ADCY1: variants seen among roughly 807,000 people sequenced by gnomAD.
ADCY1 encodes the protein adenylate cyclase type 1.
ADCY1 carries 28 observed loss-of-function variants against 105.4 expected under a neutral mutation model. The observed-to-expected ratio is 0.27, with a 90% CI of 0.20 to 0.36. The LOEUF (loss-of-function observed/expected upper bound fraction) is 0.36. Ranked by LOEUF, ADCY1 falls within the 10% of genes least tolerant of loss-of-function variation. The probability of loss-of-function intolerance (pLI) is 1.00; values close to 1 mark genes in which losing one functional copy is unlikely to be tolerated. For synonymous variants in ADCY1, 655 were observed against 623.8 expected, an observed-to-expected ratio of 1.05 and a Z score of -0.75; for missense variants, 977 against 1,434.2, an observed-to-expected ratio of 0.68 and a Z score of 5.15.
chr7:45,582,061 TCA>T (rs760676335), intron 1 of ADCY1, among the ~76,000 whole-genome samples: 4 of 151,994 alleles, frequency 2.6e-5, no homozygotes, highest in African/African-American at 9.7e-5. Context: ...GCTCACACAC[TCA>T]CACAGTACAC....
chr7:45,677,176 CAGT>C lies in ADCY1; in HGVS notation c.1606-690_1606-688del, dbSNP rs1286679535. Among the ~76,000 whole-genome samples, 10 of 152,256 alleles carry C rather than the reference CAGT, an allele frequency of 6.6e-5. No individual in the cohort carries two copies. The East Asian group carries it at 1.9e-3, about 29-fold the overall frequency. On this transcript the variant is annotated intron_variant, in intron 8 of 19. Transcript: ENST00000297323. ...ATGTATTGTCAGTGCTTTTACCACT[CAGT>C]AGGAATAAAAACAAGTGTGTTCATT...
chr7:45,700,870 C>T (rs1039384332), intron 14 of ADCY1, among the ~76,000 whole-genome samples: 4 of 152,152 alleles, frequency 2.6e-5, no homozygotes, highest in Admixed American at 6.5e-5. Flanking sequence ...ACTCATAGCA[C>T]ATGTCGGCAC....
At chr7:45,610,214 C>T (rs1793494720) in intron 2 of ADCY1, among the ~76,000 whole-genome samples, 165 bp from the exon 3 acceptor site, 1 of 152,174 alleles carries the variant, frequency 6.6e-6, no homozygotes, top group African/African-American at 2.4e-5. Flanking sequence ...TGTGCCAGCC[C>T]TGGCTAGTGC....
At position 45,722,516 on chromosome 7, in the gene ADCY1, C is replaced by T. The variant is rs1463287305; in HGVS notation, c.*8521C>T. 5 of 152,258 alleles carry T rather than the reference C, an allele frequency of 3.3e-5. No homozygotes were observed. Among genetic ancestry groups the T allele is most frequent in the African/African-American group, 1.2e-4 (5 of 41,438 alleles). 9.4% of individuals were successfully genotyped at this position (152,258 alleles called of 1,614,324 possible). A position where few individuals can be genotyped will look rare whatever the true frequency, so the allele number is the denominator to read the frequency against. ...CCTCCCTTCAGTCACCACTCCTCTT[C>T]CTCCGCCATCCTCATTTATACTGAT... On this transcript the variant is annotated 3_prime_UTR_variant, in exon 20 of 20. Coordinates refer to ENST00000297323, the MANE Select transcript of ADCY1 (RefSeq NM_021116.4).
At chr7:45,584,173 A>G (rs776392120) in intron 1 of ADCY1, among the ~76,000 whole-genome samples, 61 of 151,938 alleles carry the variant, frequency 4.0e-4, no homozygotes, top group Non-Finnish European at 7.7e-4. Context: ...TTGAATTCCT[A>G]TGCTTAGGTG....
chr7:45,677,106 T>C (rs1448780474), intron 8 of ADCY1, among the ~76,000 whole-genome samples: 1 of 152,138 alleles, frequency 6.6e-6, no homozygotes, highest in Non-Finnish European at 1.5e-5. Context: ...GTCCCTGCGA[T>C]CACCCTCTTC....
rs1345514348 is a variant in ADCY1 at position 45,647,652 on chromosome 7, T to C, written c.1021-1018T>C. On this transcript the variant is annotated intron_variant, in intron 4 of 19. Transcript: ENST00000297323. The surrounding 1 kb of genome is among the most constrained non-coding windows in gnomAD (Gnocchi z 4.6). ...TGCAGAAGTGGGTCACAGAATCCAC[T>C]GTCTGCCCTGGAGATGACGGCACCA... Among the ~76,000 whole-genome samples, 1 of 152,228 alleles carries C rather than the reference T, an allele frequency of 6.6e-6. No individual in the cohort carries two copies. The highest frequency in any genetic ancestry group is 2.4e-5 in the African/African-American group (1 of 41,470).
rs1480059053 is a variant in ADCY1, at chr7:45,656,737, T to C, written c.1149-990T>C. Reference sequence around the variant, plus strand: ...TTGCCTTGCATGTACCGAGTTGTTATTGACAAATGTGATATACAGAGGCCT... The same window carrying C: ...TTGCCTTGCATGTACCGAGTTGTTACTGACAAATGTGATATACAGAGGCCT... On this transcript the variant is annotated intron_variant, in intron 5 of 19. Transcript: ENST00000297323. 2.6e-5 allele frequency among the ~76,000 whole-genome samples: 4 copies of C among 152,286 alleles called. No homozygotes were observed. In the East Asian group the frequency reaches 5.8e-4, roughly 22 times the overall value.
intron 8 of ADCY1, among the ~76,000 whole-genome samples, chr7:45,666,158 T>C (rs1056352320): frequency 6.6e-6 from 1 of 152,182 alleles, no homozygotes; most frequent in African/African-American, 2.4e-5. Context: ...AATTATACTT[T>C]AAGTTTTAGG....
At chr7:45,712,796 T>C (rs1474394180) in intron 19 of ADCY1, among the ~76,000 whole-genome samples, 4 of 152,162 alleles carry the variant, frequency 2.6e-5, no homozygotes, top group Non-Finnish European at 4.4e-5. Flanking sequence ...ATGTCCTCTG[T>C]TCACAGGACT....
intron 4 of ADCY1, among the ~76,000 whole-genome samples, chr7:45,635,089 A>G (rs1246460663): frequency 6.6e-6 from 1 of 151,340 alleles, no homozygotes; most frequent in East Asian, 1.9e-4. Flanking sequence ...CTTTGTGGAA[A>G]AGTTTTTAAC....
intron 8 of ADCY1, among the ~76,000 whole-genome samples, chr7:45,669,045 C>T (rs1378701013): frequency 2.0e-5 from 3 of 151,950 alleles, no homozygotes; most frequent in South Asian, 4.2e-4. Context: ...GTCTTGCTAG[C>T]GGTCTATCAA....
chr7:45,657,589 ACCTC>A, intron 5 of ADCY1, 134 bp from the exon 6 acceptor site: 1 of 896,506 alleles, frequency 1.1e-6, no homozygotes, highest in Non-Finnish European at 1.7e-6. Flanking sequence ...ATGCCAGGAG[ACCTC>A]CACGCTCAGG....
At chr7:45,605,548 G>T (rs1362880631) in intron 2 of ADCY1, among the ~76,000 whole-genome samples, 1 of 150,666 alleles carries the variant, frequency 6.6e-6, no homozygotes. Context: ...TTCTTTTTTG[G>T]TATCAATTGC....
intron 4 of ADCY1, among the ~76,000 whole-genome samples, chr7:45,628,295 C>T (rs1318152433): frequency 6.6e-6 from 1 of 152,242 alleles, no homozygotes; most frequent in Non-Finnish European, 1.5e-5. Context: ...ACACCCCAAC[C>T]TTCCAGCCAA....
chr7:45,609,545 G>A (rs965551778), intron 2 of ADCY1, among the ~76,000 whole-genome samples: 1 of 152,210 alleles, frequency 6.6e-6, no homozygotes, highest in African/African-American at 2.4e-5. Context: ...ATTCTACGTG[G>A]GATTTAAACT....
chr7:45,576,614 G>T lies in ADCY1; in HGVS notation c.639+1432G>T, dbSNP rs376098725. Among the ~76,000 whole-genome samples the T allele has an allele frequency of 7.2e-5, 11 of 152,156 alleles. No individual in the cohort carries two copies. In the East Asian group the frequency reaches 1.7e-3, roughly 24 times the overall value. On this transcript the variant is annotated intron_variant, in intron 1 of 19. Coordinates refer to ENST00000297323, the MANE Select transcript of ADCY1 (RefSeq NM_021116.4). ...ACTTCATGTCCTGGAGGGGAAGGAG[G>T]CTCTTCCACAGCCTCCTGTGGGCAG... is the stretch of plus-strand genomic sequence containing the variant.
In ADCY1 at chr7:45,574,607, G is replaced by A. The variant is rs1209972592; in HGVS notation, c.64G>A (p.Glu22Lys). The change falls in exon 1 of 20, where the codon GAG (glutamate) becomes AAG (lysine). Residue 22 changes from glutamate (E) to lysine (K), a missense_variant. Transcript: ENST00000297323. The surrounding 1 kb of genome is among the most constrained non-coding windows in gnomAD (Gnocchi z 7.0). The stretch of plus-strand genomic sequence containing the variant: ...CGGCGCGGGCGAGCCCGGGGGCGCC[G>A]AGCGGGCGGCCGGGACAAGCCGCCG... ...GGGAGEPGGA[E>K]RAAGTSRRRG... is the part of the protein sequence containing the mutation. 6.2e-6 allele frequency: 7 copies of A among 1,137,522 alleles called. No individual in the cohort carries two copies. The highest frequency in any genetic ancestry group is 7.2e-4 in the Middle Eastern group (2 of 2,776). 70.5% of individuals were successfully genotyped at this position (1,137,522 alleles called of 1,614,324 possible).
chr7:45,685,793 TTG>T (rs1784660245), intron 12 of ADCY1, among the ~76,000 whole-genome samples, 167 bp from the exon 13 acceptor site: 1 of 152,176 alleles, frequency 6.6e-6, no homozygotes, highest in African/African-American at 2.4e-5. Context: ...GTGGGGAGCC[TTG>T]AAGTGCTGTG....
Sources: allele counts gnomAD v4.1 joint callset (sites outside exome capture counted in the v4.1 genomes callset), GRCh38; gene constraint gnomAD v4.1.1; non-coding constraint Gnocchi (gnomAD v3.1); transcripts MANE v1.5; gene names NCBI Gene and HGNC (gene_info 2026-07-23, HGNC 2026-07-21).